EP400: variants seen among roughly 807,000 people sequenced by gnomAD.
EP400 encodes the protein E1A binding protein p400.
In EP400, 105 loss-of-function variants were observed where a neutral mutation model predicts 354.1. The ratio of observed to expected loss-of-function variants is 0.30; its 90% CI spans 0.25 to 0.35. The LOEUF (loss-of-function observed/expected upper bound fraction) is 0.35. Ranked by LOEUF, EP400 falls within the 10% of genes least tolerant of loss-of-function variation. The pLI is 1.00. For synonymous variants in EP400, 1,646 were observed against 1,716.9 expected (o/e 0.96, Z 1.02); for missense variants, 3,280 against 4,121.0 (o/e 0.80, Z 5.59).
In EP400 at chr12:132,044,957, C is replaced by G. The variant is rs201257796; in HGVS notation, c.6784+4C>G. The G allele has an allele frequency of 6.2e-7, 1 of 1,613,510 alleles. No homozygotes were observed. Among genetic ancestry groups the G allele is most frequent in the South Asian group, 1.1e-5 (1 of 91,052 alleles). On this transcript the variant is annotated splice_donor_region_variant and intron_variant, in intron 37 of 52. Transcript: ENST00000389561. ...CGACACAAAACAGACCCCTCAGGTGCGCATCCCGAGGGCGTCACATGACCT... is the reference window on the plus strand; with the variant it reads ...CGACACAAAACAGACCCCTCAGGTGGGCATCCCGAGGGCGTCACATGACCT...
In EP400 at chr12:132,007,056, A is replaced by C. The variant is rs117120365; in HGVS notation, c.3304+179A>C. 7.1e-3 allele frequency among the ~76,000 whole-genome samples: 1,086 copies of C among 152,368 alleles called. 35 individuals carry two copies. The South Asian group carries it at 0.094, about 13-fold the overall frequency. Reference sequence around the variant, plus strand: ...TTATGAATGAATAAAAAACTGGTTCACAGTTAACATCCAGTAACAATTAGT... The same window carrying C: ...TTATGAATGAATAAAAAACTGGTTCCCAGTTAACATCCAGTAACAATTAGT... On this transcript the variant is annotated intron_variant, in intron 15 of 52. Transcript: ENST00000389561.
At chr12:131,955,772 G>A (rs1224541896) in intron 1 of EP400, among the ~76,000 whole-genome samples, 1 of 152,034 alleles carries the variant, frequency 6.6e-6, no homozygotes, top group East Asian at 1.9e-4. Context: ...AGCCTCCCGA[G>A]TAGCTGTGAT....
At chr12:131,996,164 C>T (rs2136510593) in intron 12 of EP400, among the ~76,000 whole-genome samples, 1 of 152,222 alleles carries the variant, frequency 6.6e-6, no homozygotes, top group South Asian at 2.1e-4. Flanking sequence ...TCACCTGGTT[C>T]CCTGTGTTTG....
rs140997026 is a variant in EP400, at chr12:132,062,673, A to C, written c.8306A>C (p.Gln2769Pro). 6.6e-5 allele frequency: 107 copies of C among 1,613,916 alleles called. No homozygotes were observed. The highest frequency in any genetic ancestry group is 5.5e-4 in the African/African-American group (41 of 75,020). The change falls in exon 47 of 53, where the codon CAG (glutamine) becomes CCG (proline). Residue 2769 changes from glutamine to proline, a missense_variant. Coordinates refer to ENST00000389561, the MANE Select transcript of EP400 (RefSeq NM_015409.5). The stretch of plus-strand genomic sequence containing the variant: ...CAGGGCCAGGCCCAGTCCCCAGCAC[A>C]GATCAAAGCTGTGGGCAAGCTGACG... ...QIQGQAQSPA[Q>P]IKAVGKLTPE...
chr12:132,020,942 T>G, intron 22 of EP400, 137 bp from the exon 23 acceptor site: 2 of 1,242,718 alleles, frequency 1.6e-6, no homozygotes, highest in Non-Finnish European at 2.1e-6. Context: ...GGCCCCTCTT[T>G]TTTTCCTTAA....
At chr12:132,037,256 A>G (rs1174248553) in intron 30 of EP400, among the ~76,000 whole-genome samples, 5 of 152,218 alleles carry the variant, frequency 3.3e-5, no homozygotes, top group African/African-American at 9.6e-5. Context: ...AAAAACGCCC[A>G]TAATTACATG....
rs181167983 is a variant in EP400 at position 132,062,720 on chromosome 12, A to T, written c.8334+19A>T. On this transcript the variant is annotated intron_variant, in intron 47 of 52. Transcript: ENST00000389561. ...GACGCCGGTGAGCATTTCCCAGAGG[A>T]CCATGAACGTGTGCGTCTTGCGGTC... 247 of 1,610,888 alleles carry T rather than the reference A, an allele frequency of 1.5e-4. No individual in the cohort carries two copies. The East Asian group carries it at 5.3e-3, about 35-fold the overall frequency.
intron 21 of EP400, among the ~76,000 whole-genome samples, chr12:132,019,075 G>A (rs908120485): frequency 1.3e-5 from 2 of 152,190 alleles, no homozygotes; most frequent in Non-Finnish European, 2.9e-5. Context: ...AGTACCAGAG[G>A]TTTCTGCTTA....
rs767295541 is a variant in EP400 at position 132,021,071 on chromosome 12, G to T, written c.4448-8G>T. Reference sequence around the variant, plus strand: ...CAGCTTTGCACAAACAAACCTTATCGATTGCAGCAGCAGCAGCCCCGTTTC... The same window carrying T: ...CAGCTTTGCACAAACAAACCTTATCTATTGCAGCAGCAGCAGCCCCGTTTC... On this transcript the variant is annotated splice_region_variant and splice_polypyrimidine_tract_variant and intron_variant, in intron 22 of 52. Coordinates refer to ENST00000389561, the MANE Select transcript of EP400 (RefSeq NM_015409.5). The T allele has an allele frequency of 6.3e-7, 1 of 1,589,608 alleles. No individual in the cohort carries two copies. Among genetic ancestry groups the T allele is most frequent in the Admixed American group, 1.7e-5 (1 of 58,582 alleles).
In EP400 at chr12:132,069,593, C is replaced by T; in HGVS notation, c.8973C>T (p.Ser2991=). 6.2e-7 allele frequency: 1 copy of T among 1,614,244 alleles called. No homozygotes were observed. Among genetic ancestry groups the T allele is most frequent in the Non-Finnish European group, 8.5e-7 (1 of 1,180,024 alleles). Residue 2991 remains serine, a synonymous_variant, in exon 51 of 53, where the codon TCC becomes TCT. Transcript: ENST00000389561. ...CCCAGTTTCTTACCACACCCATCTC[C>T]CAGGCCCAGAAACTGGCCGGGGCCC... ...LKTQFLTTPI[S]QAQKLAGAQQ...
At chr12:132,006,340 G>A in intron 14 of EP400, 38 bp downstream of exon 14, 10 of 1,602,070 alleles carry the variant, frequency 6.2e-6, no homozygotes, top group Non-Finnish European at 8.5e-6. Flanking sequence ...ATGGGCCTTT[G>A]AGAGACAGAG....
chr12:131,988,060 T>C lies in EP400; in HGVS notation c.2409+170T>C, dbSNP rs538188814. Among the ~76,000 whole-genome samples, 7 of 151,134 alleles carry C rather than the reference T, an allele frequency of 4.6e-5. No individual in the cohort carries two copies. The South Asian group carries it at 8.4e-4, about 18-fold the overall frequency. ...TCCAGGCTGGAATGTCCAGCTAATT[T>C]TGTGTTTTTTGCCACATTACCCAGA... On this transcript the variant is annotated intron_variant, in intron 7 of 52. Coordinates refer to ENST00000389561, the MANE Select transcript of EP400 (RefSeq NM_015409.5).
intron 2 of EP400, 87 bp from the exon 3 acceptor site, chr12:131,979,605 TCG>T: frequency 8.7e-7 from 1 of 1,150,804 alleles, no homozygotes; most frequent in Non-Finnish European, 1.2e-6. Flanking sequence ...AGGAAGGAGG[TCG>T]ATGTTTGGGA....
intron 41 of EP400, among the ~76,000 whole-genome samples, chr12:132,051,770 C>G (rs1265789308): frequency 6.6e-6 from 1 of 151,960 alleles, no homozygotes; most frequent in Non-Finnish European, 1.5e-5. Context: ...GTCAGGCCCT[C>G]CACAAGAGGT....
chr12:132,031,492 G>T, intron 29 of EP400: 1 of 429,056 alleles, frequency 2.3e-6, no homozygotes, highest in South Asian at 1.8e-5. Flanking sequence ...AATACAGTGC[G>T]GGGACCTTGG....
rs888665097 is a variant in EP400, at chr12:131,990,520, G to A, written c.2551-116G>A. The A allele has an allele frequency of 1.7e-5, 13 of 758,162 alleles. No homozygotes were observed. Among genetic ancestry groups the A allele is most frequent in the African/African-American group, 1.1e-4 (6 of 57,134 alleles). The allele number at this position is 758,162 out of a possible 1,614,324, so 47.0% of individuals were successfully genotyped here. A position where few individuals can be genotyped will look rare whatever the true frequency, so the allele number is the denominator to read the frequency against. On this transcript the variant is annotated intron_variant, in intron 8 of 52. Coordinates refer to ENST00000389561, the MANE Select transcript of EP400 (RefSeq NM_015409.5). This position sits in a 1 kb window ranked among gnomAD's most constrained non-coding sequence, Gnocchi z 4.2. Reference sequence around the variant, plus strand: ...ATAAATGAAAAAGCACCAAACTGACGAGGCTGGAAAACACTGTTTTCAGAC... The same window carrying A: ...ATAAATGAAAAAGCACCAAACTGACAAGGCTGGAAAACACTGTTTTCAGAC...
At position 132,030,124 on chromosome 12, in the gene EP400, G is replaced by C; in HGVS notation, c.5720G>C (p.Arg1907Thr). 1 of 1,614,224 alleles carries C rather than the reference G, an allele frequency of 6.2e-7. No homozygotes were observed. ...AACTTCCATTACCTCACCTATGTAA[G>C]AATCGATGAAAATGCCAGCAGTGAG... ...FLNFHYLTYV[R>T]IDENASSEQR... Residue 1907 changes from arginine (R) to threonine (T), a missense_variant, in exon 29 of 53, where the codon AGA becomes ACA. Arg to Thr is a moderately conservative substitution (Grantham distance 71). Around this residue, in one of 20 missense-constraint regions of EP400, gnomAD observed 459 missense variants for 496.9 expected, o/e 0.92. Transcript: ENST00000389561.
rs1432790743 is a variant in EP400, at chr12:132,025,999, A to G, written c.5014+195A>G. On this transcript the variant is annotated intron_variant, in intron 25 of 52. Transcript: ENST00000389561. This position sits in a 1 kb window ranked among gnomAD's most constrained non-coding sequence, Gnocchi z 4.1. ...TTCTTTTTCTTGTGCTTTCAAAGGT[A>G]TTGGTTGGATATAACCAGCCTCCAC... Among the ~76,000 whole-genome samples, 1 of 152,194 alleles carries G rather than the reference A, an allele frequency of 6.6e-6. No homozygotes were observed. The highest frequency in any genetic ancestry group is 1.9e-4 in the East Asian group (1 of 5,200).
chr12:132,033,072 C>A (rs915168197), intron 30 of EP400, among the ~76,000 whole-genome samples: 1 of 152,144 alleles, frequency 6.6e-6, no homozygotes, highest in Admixed American at 6.6e-5. Flanking sequence ...CTCAGCCCCC[C>A]GAGGAGCTGA....
Sources: allele counts gnomAD v4.1 joint callset (sites outside exome capture counted in the v4.1 genomes callset), GRCh38; gene constraint gnomAD v4.1.1; regional missense constraint gnomAD v4.1.1; non-coding constraint Gnocchi (gnomAD v3.1); transcripts MANE v1.5; gene names NCBI Gene and HGNC (gene_info 2026-07-23, HGNC 2026-07-21).